The following LRRK2 variants were observed in gnomAD, a reference collection of about 807,000 sequenced individuals.
LRRK2 encodes leucine-rich repeat serine/threonine-protein kinase 2.
In LRRK2, 203 loss-of-function variants were observed where a neutral mutation model predicts 302.6. The observed-to-expected ratio is 0.67, with a 90% confidence interval of 0.60 to 0.75. The LOEUF is 0.75. Ranked by LOEUF, LRRK2 falls within the 30% of genes least tolerant of loss-of-function variation. The probability of loss-of-function intolerance (pLI) is 0.00; values close to 1 mark genes in which losing one functional copy is unlikely to be tolerated. For synonymous variants in LRRK2, 1,066 were observed against 1,031.9 expected, an observed-to-expected ratio of 1.03 and a Z score of -0.63; for missense variants, 2,830 against 2,951.0, an observed-to-expected ratio of 0.96 and a Z score of 0.95.
In LRRK2 at chr12:40,293,896, C is replaced by CAT. The variant is rs1407049752; in HGVS notation, c.2808+251_2808+252dup. ...TGCAGGGTATGAATTTTTTGGGGCA[C>CAT]ATATATATATATATATATACTTACA... On this transcript the variant is annotated intron_variant, in intron 21 of 50. Transcript: ENST00000298910. Among the ~76,000 whole-genome samples, 3,862 of 84,250 alleles carry CAT rather than the reference C, an allele frequency of 0.046. 179 individuals are homozygous for CAT. Among genetic ancestry groups the CAT allele is most frequent in the African/African-American group, 0.11 (3,346 of 31,288 alleles). 55.3% of individuals were successfully genotyped at this position (84,250 alleles called of 152,430 possible).
chr12:40,298,965 AACTG>A, intron 24 of LRRK2, 140 bp from the exon 25 acceptor site: 1 of 497,638 alleles, frequency 2.0e-6, no homozygotes. Flanking sequence ...AACTTTTATC[AACTG>A]ACTTACATTT....
chr12:40,272,277 T>G (rs1158908381), intron 14 of LRRK2, among the ~76,000 whole-genome samples: 1 of 152,184 alleles, frequency 6.6e-6, no homozygotes, highest in Non-Finnish European at 1.5e-5. Flanking sequence ...GACTTTTTTT[T>G]GTAGAAGATA....
intron 6 of LRRK2, among the ~76,000 whole-genome samples, chr12:40,243,218 A>G (rs1157309761): frequency 1.3e-5 from 2 of 151,596 alleles, no homozygotes; most frequent in Admixed American, 1.3e-4. Flanking sequence ...CCAATACATT[A>G]CATTTCCAGA....
At chr12:40,360,367 C>A (rs1251644119) in intron 47 of LRRK2, among the ~76,000 whole-genome samples, 1 of 152,008 alleles carries the variant, frequency 6.6e-6, no homozygotes, top group African/African-American at 2.4e-5. Flanking sequence ...TCAAATTTCC[C>A]AAGATTGGCA....
intron 18 of LRRK2, among the ~76,000 whole-genome samples, chr12:40,279,172 T>C (rs901998138): frequency 2.2e-5 from 2 of 90,918 alleles, no homozygotes; most frequent in African/African-American, 6.9e-5. Flanking sequence ...AGTGATTTAA[T>C]ACACATTATT....
intron 24 of LRRK2, among the ~76,000 whole-genome samples, chr12:40,298,827 ATATT>A (rs1944499928): frequency 2.7e-5 from 3 of 111,870 alleles, no homozygotes; most frequent in Non-Finnish European, 5.5e-5. Context: ...TATAATACAT[ATATT>A]ATATATATTT....
intron 7 of LRRK2, among the ~76,000 whole-genome samples, chr12:40,248,172 T>C (rs561136427): frequency 6.6e-6 from 1 of 152,276 alleles, no homozygotes; most frequent in African/African-American, 2.4e-5. Context: ...TACTGTACAA[T>C]TCTCTGTTTC....
chr12:40,322,255 C>A, intron 36 of LRRK2, 64 bp from the exon 37 acceptor site: 2 of 1,565,566 alleles, frequency 1.3e-6, no homozygotes, highest in Non-Finnish European at 1.8e-6. Context: ...AAAAACTTTA[C>A]CTTAAAGCTT....
chr12:40,333,690 T>C (rs1278291081), intron 39 of LRRK2, among the ~76,000 whole-genome samples: 1 of 151,606 alleles, frequency 6.6e-6, no homozygotes, highest in Non-Finnish European at 1.5e-5. Flanking sequence ...TTTTTTGAAT[T>C]GCAGAGAGAT....
At chr12:40,231,161 C>T (rs1941161036) in intron 2 of LRRK2, among the ~76,000 whole-genome samples, 1 of 152,094 alleles carries the variant, frequency 6.6e-6, no homozygotes, top group Non-Finnish European at 1.5e-5. Flanking sequence ...ACTAAAATCT[C>T]CAACTTCACC....
At chr12:40,326,250 G>T (rs534319805) in intron 38 of LRRK2, among the ~76,000 whole-genome samples, 13 of 152,182 alleles carry the variant, frequency 8.5e-5, no homozygotes, top group African/African-American at 2.9e-4. Context: ...GGATCATGAG[G>T]TCAGGAGATC....
At chr12:40,351,864 T>C in intron 44 of LRRK2, 131 bp downstream of exon 44, 1 of 959,366 alleles carries the variant, frequency 1.0e-6, no homozygotes, top group South Asian at 1.6e-5. Context: ...AACAAGAGTA[T>C]TCAAGAGCAA....
At chr12:40,355,348 G>A (rs7976715) in intron 45 of LRRK2, among the ~76,000 whole-genome samples, 75,311 of 151,794 alleles carry the variant, frequency 0.5, 18,803 homozygotes, top group South Asian at 0.59. Flanking sequence ...AGTTTTAAGC[G>A]CAGGGGTGAG....
At chr12:40,311,882 G>T (rs1342353829) in intron 31 of LRRK2, among the ~76,000 whole-genome samples, 1 of 151,836 alleles carries the variant, frequency 6.6e-6, no homozygotes, top group Non-Finnish European at 1.5e-5. Flanking sequence ...TCTCTTGTTG[G>T]ACATGTAATT....
At chr12:40,338,275 A>T (rs754692596) in intron 40 of LRRK2, among the ~76,000 whole-genome samples, 8 of 152,162 alleles carry the variant, frequency 5.3e-5, no homozygotes, top group Non-Finnish European at 7.4e-5. Context: ...GGGAGCAGAG[A>T]TACAAAGATG....
At chr12:40,313,863 T>C in intron 31 of LRRK2, 109 bp from the exon 32 acceptor site, 2 of 795,254 alleles carry the variant, frequency 2.5e-6, no homozygotes, top group East Asian at 2.7e-5. Flanking sequence ...AATGTACTTC[T>C]GAATAATATA....
chr12:40,255,651 C>T (rs1309293784), intron 11 of LRRK2, among the ~76,000 whole-genome samples: 1 of 152,152 alleles, frequency 6.6e-6, no homozygotes, highest in African/African-American at 2.4e-5. Context: ...ATCACAAACC[C>T]TGGAGTTGAG....
chr12:40,308,437 A>G (rs369363013), intron 28 of LRRK2, 30 bp from the exon 29 acceptor site: 62 of 1,549,210 alleles, frequency 4.0e-5, no homozygotes, highest in Non-Finnish European at 5.2e-5. Flanking sequence ...TAAGCAGTTT[A>G]TTATTTTATT....
rs149555614 is a variant in LRRK2 at position 40,267,987 on chromosome 12, GC to G, written c.1656+4087del. The stretch of plus-strand genomic sequence containing the variant: ...TTGAGATTCAACTCTGATTTATAAA[GC>G]AGAGACTAAGAAGAGTATTTATAAA... On this transcript the variant is annotated intron_variant, in intron 14 of 50. Coordinates refer to ENST00000298910, the MANE Select transcript of LRRK2 (RefSeq NM_198578.4). Among the ~76,000 whole-genome samples the G allele has an allele frequency of 7.6e-3, 1,163 of 152,248 alleles. 20 individuals carry two copies. The highest frequency in any genetic ancestry group is 0.026 in the African/African-American group (1,068 of 41,560).
Sources: allele counts gnomAD v4.1 joint callset (sites outside exome capture counted in the v4.1 genomes callset), GRCh38; gene constraint gnomAD v4.1.1; transcripts MANE v1.5; gene names NCBI Gene and HGNC (gene_info 2026-07-23, HGNC 2026-07-21).